LSAMP: variants seen among roughly 807,000 people sequenced by gnomAD.
The protein encoded by LSAMP is limbic system-associated membrane protein.
LSAMP carries 7 observed loss-of-function variants against 38.6 expected under a neutral mutation model. The observed-to-expected ratio is 0.18, with a 90% confidence interval of 0.10 to 0.34. The LOEUF (loss-of-function observed/expected upper bound fraction) is 0.34. Among genes scored for constraint, LSAMP ranks in the 10% least tolerant of loss-of-function variants. The pLI is 1.00. For synonymous variants in LSAMP, 154 were observed against 166.8 expected, an observed-to-expected ratio of 0.92 and a Z score of 0.59; for missense variants, 313 against 420.0, an observed-to-expected ratio of 0.75 and a Z score of 2.23.
chr3:116,202,758 C>A (rs550026709), intron 1 of LSAMP, among the ~76,000 whole-genome samples: 2 of 152,238 alleles, frequency 1.3e-5, no homozygotes, highest in South Asian at 2.1e-4. Flanking sequence ...ATATATTCAA[C>A]ACTAGTTCCA....
At position 116,378,129 on chromosome 3, in the gene LSAMP, C is replaced by T. The variant is rs1158236559; in HGVS notation, c.155+66748G>A. Among the ~76,000 whole-genome samples, 5 of 152,072 alleles carry T rather than the reference C, an allele frequency of 3.3e-5. No individual in the cohort carries two copies. The East Asian group carries it at 9.7e-4, about 29-fold the overall frequency. Reference sequence around the variant, plus strand: ...TCTCTCCTTCACATTTTTCTCCAAACCTCTACTTTGTGTGGTTTTGACCAC... The same window carrying T: ...TCTCTCCTTCACATTTTTCTCCAAATCTCTACTTTGTGTGGTTTTGACCAC... On this transcript the variant is annotated intron_variant, in intron 1 of 6. Coordinates refer to ENST00000490035, the MANE Select transcript of LSAMP (RefSeq NM_002338.5).
chr3:116,071,974 CT>C (rs34359160), intron 2 of LSAMP, among the ~76,000 whole-genome samples: 6,227 of 130,046 alleles, frequency 0.048, 165 homozygotes, highest in African/African-American at 0.13. Flanking sequence ...GTATATGTAG[CT>C]TTTTTTTTTT....
At chr3:115,857,161 C>T (rs1275035811) in intron 3 of LSAMP, among the ~76,000 whole-genome samples, 2 of 152,216 alleles carry the variant, frequency 1.3e-5, no homozygotes, top group African/African-American at 4.8e-5. Context: ...TCCCTGTGGA[C>T]ACAGGCACGA....
rs551886708 is a variant in LSAMP, at chr3:116,226,635, A to G, written c.156-140079T>C. Among the ~76,000 whole-genome samples the G allele has an allele frequency of 4.6e-5, 7 of 152,362 alleles. No individual in the cohort carries two copies. In the East Asian group the frequency reaches 1.3e-3, roughly 29 times the overall value. Reference sequence around the variant, plus strand: ...TTTTTAAGGCCCACATTCTTGCAGAATTACATATTAGGTAGTTGAACCCCT... The same window carrying G: ...TTTTTAAGGCCCACATTCTTGCAGAGTTACATATTAGGTAGTTGAACCCCT... On this transcript the variant is annotated intron_variant, in intron 1 of 6. Transcript: ENST00000490035.
intron 1 of LSAMP, among the ~76,000 whole-genome samples, chr3:116,299,989 C>T (rs1163089343): frequency 6.6e-6 from 1 of 152,190 alleles, no homozygotes; most frequent in African/African-American, 2.4e-5. Context: ...GAAACTGTCT[C>T]TAATAAGGCC....
intron 1 of LSAMP, among the ~76,000 whole-genome samples, chr3:116,111,179 T>A (rs1708606812): frequency 6.6e-6 from 1 of 152,144 alleles, no homozygotes; most frequent in Non-Finnish European, 1.5e-5. Flanking sequence ...GGCATATACG[T>A]GCAAGTCACA....
At chr3:116,393,469 C>T (rs566919520) in intron 1 of LSAMP, among the ~76,000 whole-genome samples, 7 of 152,332 alleles carry the variant, frequency 4.6e-5, no homozygotes, top group African/African-American at 1.2e-4. Flanking sequence ...CTGGACCCCA[C>T]GCTTGCTCAC....
intron 1 of LSAMP, among the ~76,000 whole-genome samples, chr3:116,166,109 T>C (rs1357629723): frequency 6.6e-6 from 1 of 152,238 alleles, no homozygotes; most frequent in East Asian, 1.9e-4. Context: ...ACCTGTCATG[T>C]CATTGCTCAA....
chr3:116,327,852 A>G (rs2047794529), intron 1 of LSAMP, among the ~76,000 whole-genome samples: 1 of 152,180 alleles, frequency 6.6e-6, no homozygotes, highest in South Asian at 2.1e-4. Context: ...TGAAGTCTAT[A>G]TGATATGCCT....
chr3:116,122,308 T>C (rs1415026134), intron 1 of LSAMP, among the ~76,000 whole-genome samples: 1 of 152,126 alleles, frequency 6.6e-6, no homozygotes, highest in African/African-American at 2.4e-5. Context: ...ACAAAGGATA[T>C]GTTGATGATG....
chr3:116,008,315 G>A (rs1940224967), intron 3 of LSAMP, among the ~76,000 whole-genome samples: 1 of 152,134 alleles, frequency 6.6e-6, no homozygotes, highest in Non-Finnish European at 1.5e-5. Context: ...GGACAGCAGG[G>A]CTTTCTGACT....
intron 1 of LSAMP, among the ~76,000 whole-genome samples, chr3:116,208,984 C>A (rs542461555): frequency 6.6e-6 from 1 of 152,228 alleles, no homozygotes; most frequent in African/African-American, 2.4e-5. Flanking sequence ...CAATGGCAGG[C>A]GCCCCTCCCG....
At chr3:116,206,984 G>C (rs1041275795) in intron 1 of LSAMP, among the ~76,000 whole-genome samples, 1 of 150,372 alleles carries the variant, frequency 6.7e-6, no homozygotes, top group Non-Finnish European at 1.5e-5. Context: ...TCGTTGATCT[G>C]TCTAATGTTG....
chr3:115,868,426 A>C (rs1400602735), intron 3 of LSAMP, among the ~76,000 whole-genome samples: 1 of 152,166 alleles, frequency 6.6e-6, no homozygotes, highest in Non-Finnish European at 1.5e-5. Flanking sequence ...TTGTCAAAAC[A>C]GGAATATTAT....
At chr3:116,243,999 G>T (rs2046572957) in intron 1 of LSAMP, among the ~76,000 whole-genome samples, 3 of 152,250 alleles carry the variant, frequency 2.0e-5, no homozygotes, top group African/African-American at 7.2e-5. Context: ...ATTCTCTTGT[G>T]CACTTCCTAT....
chr3:116,333,388 A>T (rs930083189), intron 1 of LSAMP, among the ~76,000 whole-genome samples: 2 of 151,994 alleles, frequency 1.3e-5, no homozygotes, highest in African/African-American at 4.8e-5. Context: ...AAAATGCAAA[A>T]ATTAGCAAGG....
intron 1 of LSAMP, among the ~76,000 whole-genome samples, chr3:116,174,466 C>G (rs564528455): frequency 1.6e-4 from 25 of 152,094 alleles, no homozygotes; most frequent in African/African-American, 6.0e-4. Context: ...ATAGCTATGT[C>G]TTTTATTGTG....
At chr3:116,356,042 G>T (rs1227525353) in intron 1 of LSAMP, among the ~76,000 whole-genome samples, 1 of 152,040 alleles carries the variant, frequency 6.6e-6, no homozygotes, top group African/African-American at 2.4e-5. Context: ...ACTAAAAATA[G>T]AATTACCATA....
intron 1 of LSAMP, among the ~76,000 whole-genome samples, chr3:116,195,919 C>T (rs905312501): frequency 3.3e-5 from 5 of 152,028 alleles, no homozygotes; most frequent in East Asian, 1.9e-4. Context: ...GCATACTTAG[C>T]GATGTTTATA....
Sources: gnomAD v4.1 joint callset for allele counts (sites outside exome capture counted in the v4.1 genomes callset) on GRCh38, gnomAD v4.1.1 for gene constraint, MANE v1.5 for transcripts, NCBI Gene and HGNC (gene_info 2026-07-23, HGNC 2026-07-21) for gene names.